PCP2: variants seen among roughly 807,000 people sequenced by gnomAD.
PCP2 encodes the protein Purkinje cell protein 2 homolog.
PCP2 carries 21 observed loss-of-function variants against 18.3 expected under a neutral mutation model. The observed-to-expected ratio is 1.14, with a 90% CI of 0.81 to 1.65. PCP2 has a LOEUF of 1.65. Among genes scored for constraint, PCP2 ranks in the 40% most tolerant of loss-of-function variants. The pLI, the probability that PCP2 is intolerant of heterozygous loss-of-function variation, is 0.00. For synonymous variants in PCP2, 85 were observed against 77.6 expected (o/e 1.10, Z -0.50); for missense variants, 202 against 201.8 (o/e 1.00, Z 0.00).
chr19:7,632,670 C>T lies in PCP2; in HGVS notation c.166+46G>A, dbSNP rs768768434. On this transcript the variant is annotated intron_variant, in intron 2 of 3. Coordinates refer to ENST00000311069, the MANE Select transcript of PCP2 (RefSeq NM_174895.3). This position sits in a 1 kb window ranked among gnomAD's most constrained non-coding sequence, Gnocchi z 5.2. ...CAGATGACCACTTGCCCTGCACTCCCACCCCGTTCACGCCCCATGGACAGC... is the reference window on the plus strand; with the variant it reads ...CAGATGACCACTTGCCCTGCACTCCTACCCCGTTCACGCCCCATGGACAGC... 9.7e-6 allele frequency: 15 copies of T among 1,549,568 alleles called. No individual in the cohort carries two copies. The highest frequency in any genetic ancestry group is 1.4e-5 in the African/African-American group (1 of 73,518).
At position 7,632,928 on chromosome 19, in the gene PCP2, C is replaced by T; in HGVS notation, c.52-98G>A. Reference sequence around the variant, plus strand: ...GCTCACACCCTGACCCCGGGGCCTGCCGTCCCCACTTCCTCAGCTCTCACC... The same window carrying T: ...GCTCACACCCTGACCCCGGGGCCTGTCGTCCCCACTTCCTCAGCTCTCACC... On this transcript the variant is annotated intron_variant, in intron 1 of 3. Coordinates refer to ENST00000311069, the MANE Select transcript of PCP2 (RefSeq NM_174895.3). This position sits in a 1 kb window ranked among gnomAD's most constrained non-coding sequence, Gnocchi z 5.2. 6.7e-7 allele frequency: 1 copy of T among 1,495,376 alleles called. No homozygotes were observed. Among genetic ancestry groups the T allele is most frequent in the Non-Finnish European group, 8.9e-7 (1 of 1,124,804 alleles). 92.6% of individuals were successfully genotyped at this position (1,495,376 alleles called of 1,614,324 possible).
upstream of PCP2, chr19:7,636,907 T>C (rs1288160514): frequency 5.1e-6 from 2 of 392,278 alleles, no homozygotes; most frequent in Admixed American, 4.5e-5. Flanking sequence ...CTCCCATCTG[T>C]GAGCGTGTCG....
chr19:7,631,791 T>C lies in PCP2; in HGVS notation c.309A>G (p.Arg103=). 7.0e-7 allele frequency: 1 copy of C among 1,421,954 alleles called. No homozygotes were observed. Among genetic ancestry groups the C allele is most frequent in the Non-Finnish European group, 9.2e-7 (1 of 1,083,850 alleles). 88.1% of individuals were successfully genotyped at this position (1,421,954 alleles called of 1,614,324 possible). A position where few individuals can be genotyped will look rare whatever the true frequency, so the allele number is the denominator to read the frequency against. Reference sequence around the variant, plus strand: ...GGGGTTGGGGACTGAGGGTCCCAGCTCGTTTCTGTGCTCCGTCCTGTGGAT... The same window carrying C: ...GGGGTTGGGGACTGAGGGTCCCAGCCCGTTTCTGTGCTCCGTCCTGTGGAT... ...PVGSKDGAQK[R]AGTLSPQPLL... is the part of the protein sequence containing the mutation. The change falls in exon 4 of 4, where the codon CGA becomes CGG. Residue 103 remains arginine (R), a synonymous_variant. Transcript: ENST00000311069.
upstream of PCP2, chr19:7,637,005 T>C (rs2031560703): frequency 4.3e-6 from 4 of 935,982 alleles, no homozygotes; most frequent in Non-Finnish European, 5.5e-6. Flanking sequence ...TTCCTGGGCC[T>C]GGGCGAGAAC....
At chr19:7,633,280 C>T (rs1318322953) in intron 1 of PCP2, 127 bp downstream of exon 1, 4 of 1,010,058 alleles carry the variant, frequency 4.0e-6, no homozygotes, top group Non-Finnish European at 5.8e-6. Flanking sequence ...CCCCTTTCTA[C>T]AGCCACAACT....
chr19:7,632,585 C>A lies in PCP2; in HGVS notation c.167-68G>T. The A allele has an allele frequency of 8.8e-6, 14 of 1,599,520 alleles. No homozygotes were observed. The highest frequency in any genetic ancestry group is 1.2e-5 in the Non-Finnish European group (14 of 1,174,016). On this transcript the variant is annotated intron_variant, in intron 2 of 3. Coordinates refer to ENST00000311069, the MANE Select transcript of PCP2 (RefSeq NM_174895.3). The surrounding 1 kb of genome is among the most constrained non-coding windows in gnomAD (Gnocchi z 5.2). The stretch of plus-strand genomic sequence containing the variant: ...GGGGCCCCCAACCCTACCCCTTCAC[C>A]CCCACACAGATGCTTCAGGGTGCAC...
intron 1 of PCP2, chr19:7,633,087 G>T: frequency 1.6e-6 from 2 of 1,220,948 alleles, no homozygotes; most frequent in Non-Finnish European, 2.2e-6. Flanking sequence ...GACAGGCTCC[G>T]ATGCGTGTCC....
chr19:7,636,698 GGCT>G (rs886123582), upstream of PCP2: 83 of 160,916 alleles, frequency 5.2e-4, no homozygotes, highest in Middle Eastern at 2.5e-3. Flanking sequence ...TATCCAAGAC[GGCT>G]GCTGCTGCTG....
Position 7,632,486 on chromosome 19 carries a change from G to A in PCP2, c.198C>T (p.Leu66=). 1 of 1,613,776 alleles carries A rather than the reference G, an allele frequency of 6.2e-7. No homozygotes were observed. ...QSDPTPEMDS[L]MDMLASTQGR... ...CCTGGGTACTGGCCAGCATGTCCAT[G>A]AGGCTGTCCATCTCGGGGGTGGGGT... The change falls in exon 3 of 4, where the codon CTC becomes CTT. Residue 66 remains leucine, a synonymous_variant. Transcript: ENST00000311069. This position sits in a 1 kb window ranked among gnomAD's most constrained non-coding sequence, Gnocchi z 5.2.
Position 7,631,804 on chromosome 19 carries a change from C to T in PCP2, c.296G>A (p.Gly99Glu), listed in dbSNP as rs2146195057. The change falls in exon 4 of 4, where the codon GGA (glycine) becomes GAA (glutamate). Residue 99 changes from glycine (G) to glutamate (E), a missense_variant. Gly to Glu is a moderately conservative substitution (Grantham distance 98). Transcript: ENST00000311069. ...PGFQPVGSKD[G>E]AQKRAGTLSP... is the part of the protein sequence containing the mutation. ...GAGGGTCCCAGCTCGTTTCTGTGCT[C>T]CGTCCTGTGGATGAAGAGGGGTCAG... 1 of 1,412,012 alleles carries T rather than the reference C, an allele frequency of 7.1e-7. No individual in the cohort carries two copies. The highest frequency in any genetic ancestry group is 1.9e-5 in the South Asian group (1 of 53,988). The allele number at this position is 1,412,012 out of a possible 1,614,324, so 87.5% of individuals were successfully genotyped here.
chr19:7,633,101 C>T (rs574121674), intron 1 of PCP2: 37 of 1,131,218 alleles, frequency 3.3e-5, no homozygotes, highest in East Asian at 3.1e-4. Context: ...CGTGTCCCGC[C>T]GTCCTAGATT....
At chr19:7,634,257 A>C (rs2031447171), upstream of PCP2, among the ~76,000 whole-genome samples, 1 of 152,170 alleles carries the variant, frequency 6.6e-6, no homozygotes, top group Non-Finnish European at 1.5e-5. Flanking sequence ...GCTTTCCCTC[A>C]GTGCCCAAGC....
upstream of PCP2, among the ~76,000 whole-genome samples, chr19:7,634,711 A>G (rs967231240): frequency 3.3e-5 from 5 of 152,184 alleles, no homozygotes; most frequent in African/African-American, 1.2e-4. Context: ...CCAACGTTCC[A>G]GAGGCCACAG....
chr19:7,636,257 A>C (rs370874864), upstream of PCP2: 60 of 152,246 alleles, frequency 3.9e-4, 2 homozygotes, highest in East Asian at 7.5e-3. Context: ...GTCTGTTTGC[A>C]CACATACCTC....
upstream of PCP2, among the ~76,000 whole-genome samples, chr19:7,635,245 A>G (rs2031481572): frequency 6.6e-6 from 1 of 152,180 alleles, no homozygotes; most frequent in African/African-American, 2.4e-5. Flanking sequence ...AACTCTTGAG[A>G]AGACAAAACC....
At position 7,631,669 on chromosome 19, in the gene PCP2, A is replaced by C; in HGVS notation, c.*20T>G. 1 of 1,462,546 alleles carries C rather than the reference A, an allele frequency of 6.8e-7. No homozygotes were observed. The highest frequency in any genetic ancestry group is 9.0e-7 in the Non-Finnish European group (1 of 1,106,054). 90.6% of individuals were successfully genotyped at this position (1,462,546 alleles called of 1,614,324 possible). On this transcript the variant is annotated 3_prime_UTR_variant, in exon 4 of 4. Transcript: ENST00000311069. ...TATCAGTTTTTGGGGGCCGAGTGAG[A>C]CCCAGGATGCCTCAGGCCCTCAGGG... is the stretch of plus-strand genomic sequence containing the variant.
In PCP2 at chr19:7,631,724, TC is replaced by T. The variant is rs2031313341; in HGVS notation, c.375del (p.Asn126ThrfsTer26). 1 of 1,446,594 alleles carries T rather than the reference TC, an allele frequency of 6.9e-7. No homozygotes were observed. Among genetic ancestry groups the T allele is most frequent in the African/African-American group, 1.5e-5 (1 of 68,714 alleles). The allele number at this position is 1,446,594 out of a possible 1,614,324, so 89.6% of individuals were successfully genotyped here. ...PQDPTALGFR[R>X]NSSPQPPTQA... The stretch of plus-strand genomic sequence containing the variant: ...TGTGTCGGGGGCTGGGGGCTGCTGT[TC>T]CGACGGAAGCCGAGAGCGGTCGGGT... On this transcript the variant is annotated frameshift_variant, in exon 4 of 4. Transcript: ENST00000311069. LOFTEE classifies it high-confidence loss of function.
chr19:7,636,964 A>T (rs1599385725), upstream of PCP2: 1 of 523,280 alleles, frequency 1.9e-6, no homozygotes, highest in Non-Finnish European at 2.9e-6. Flanking sequence ...GCGCGGACGC[A>T]CCTGCCCGTC....
Position 7,632,642 on chromosome 19 carries a change from C to T in PCP2, c.166+74G>A, listed in dbSNP as rs571150656. ...CTCCCACATCCCGTGCCCCCAGGCCCTCCAGATGACCACTTGCCCTGCACT... is the reference window on the plus strand; with the variant it reads ...CTCCCACATCCCGTGCCCCCAGGCCTTCCAGATGACCACTTGCCCTGCACT... On this transcript the variant is annotated intron_variant, in intron 2 of 3. Transcript: ENST00000311069. The surrounding 1 kb of genome is among the most constrained non-coding windows in gnomAD (Gnocchi z 5.2). 102 of 1,567,518 alleles carry T rather than the reference C, an allele frequency of 6.5e-5. 1 individual carries two copies. The African/African-American group carries it at 1.3e-3, about 21-fold the overall frequency.
Sources: allele counts gnomAD v4.1 joint callset (sites outside exome capture counted in the v4.1 genomes callset), GRCh38; gene constraint gnomAD v4.1.1; non-coding constraint Gnocchi (gnomAD v3.1); transcripts MANE v1.5; gene names NCBI Gene and HGNC (gene_info 2026-07-23, HGNC 2026-07-21).